OR14A2: variants seen among roughly 807,000 people sequenced by gnomAD.
The protein encoded by OR14A2 is olfactory receptor 14A2.
For synonymous variants in OR14A2, 114 were observed against 58.6 expected (o/e 1.95, Z -4.32); for missense variants, 237 against 152.9 (o/e 1.55, Z -2.90).
At chr1:247,736,534 A>G in the OR14A2 span, among the ~76,000 whole-genome samples, 1 of 152,214 alleles carries the variant, frequency 6.6e-6, no homozygotes, top group Admixed American at 6.5e-5. Context: ...CACTCATTTC[A>G]TATGTAAGCA....
the OR14A2 span, chr1:247,739,080 T>C: frequency 3.8e-6 from 3 of 780,712 alleles, no homozygotes; most frequent in Admixed American, 1.7e-5. Context: ...CTTGGGACTC[T>C]TGTACACAGC....
chr1:247,747,423 G>A, the OR14A2 span, among the ~76,000 whole-genome samples: 2 of 149,932 alleles, frequency 1.3e-5, no homozygotes, highest in Non-Finnish European at 3.0e-5. Context: ...GTGCAATGGC[G>A]TGACCTCAGC....
the OR14A2 span, chr1:247,738,728 G>T: frequency 1.3e-5 from 10 of 780,676 alleles, no homozygotes; most frequent in Non-Finnish European, 2.4e-5. Flanking sequence ...CGGCTGTGCT[G>T]ATGAATTTAG....
the OR14A2 span, among the ~76,000 whole-genome samples, chr1:247,745,367 TA>T: frequency 6.2e-3 from 915 of 146,960 alleles, 2 homozygotes; most frequent in Non-Finnish European, 0.011. Context: ...GTGAAGGGGT[TA>T]AAAAAAAAGA....
At chr1:247,743,615 A>C in the OR14A2 span, among the ~76,000 whole-genome samples, 2 of 152,138 alleles carry the variant, frequency 1.3e-5, no homozygotes, top group Admixed American at 6.6e-5. Context: ...ATGATTTTGA[A>C]CACATTTTCA....
chr1:247,736,926 A>G, the OR14A2 span, among the ~76,000 whole-genome samples: 1 of 152,148 alleles, frequency 6.6e-6, no homozygotes, highest in East Asian at 1.9e-4. Context: ...AGAAATTTCC[A>G]TTTGCTCATG....
chr1:247,734,524 TAAC>T, the OR14A2 span, among the ~76,000 whole-genome samples: 3 of 152,286 alleles, frequency 2.0e-5, no homozygotes, highest in African/African-American at 4.8e-5. Context: ...TGTACTGAAA[TAAC>T]AAAATGTTTC....
the OR14A2 span, among the ~76,000 whole-genome samples, chr1:247,747,515 C>A: frequency 6.6e-6 from 1 of 152,016 alleles, no homozygotes; most frequent in East Asian, 1.9e-4. Flanking sequence ...GCGCTCGCCA[C>A]CACGCCCGGC....
the OR14A2 span, among the ~76,000 whole-genome samples, chr1:247,747,228 A>C: frequency 2.0e-5 from 3 of 152,160 alleles, no homozygotes; most frequent in Non-Finnish European, 4.4e-5. Flanking sequence ...GACAAATACC[A>C]CTTCCACTCC....
chr1:247,740,362 T>A, the OR14A2 span, among the ~76,000 whole-genome samples: 2 of 152,248 alleles, frequency 1.3e-5, no homozygotes, highest in Admixed American at 6.5e-5. Flanking sequence ...TTCAACTTAC[T>A]TTTACAGTTT....
exon 1 of OR14A2, chr1:247,723,125 A>G: frequency 4.2e-6 from 3 of 716,866 alleles, no homozygotes; most frequent in Non-Finnish European, 7.8e-6. Context: ...TCCTGACCAT[A>G]TGTTTTCTGC....
At chr1:247,726,373 G>A (rs1345684204), upstream of OR14A2, among the ~76,000 whole-genome samples, 3 of 140,138 alleles carry the variant, frequency 2.1e-5, no homozygotes, top group Non-Finnish European at 4.5e-5. Context: ...ACTTTTTGAT[G>A]GGGTTGTTTG....
the OR14A2 span, among the ~76,000 whole-genome samples, chr1:247,747,385 G>A: frequency 8.2e-5 from 12 of 145,684 alleles, no homozygotes; most frequent in South Asian, 2.6e-3. Context: ...TTTCTGAGAC[G>A]GAGTCTCGCT....
At chr1:247,727,369 T>C (rs541087303), upstream of OR14A2, among the ~76,000 whole-genome samples, 5 of 151,098 alleles carry the variant, frequency 3.3e-5, no homozygotes, top group East Asian at 9.6e-4. Flanking sequence ...CTTGTGACTT[T>C]TGTACATTGA....
chr1:247,744,007 C>T, the OR14A2 span, among the ~76,000 whole-genome samples: 2 of 152,162 alleles, frequency 1.3e-5, no homozygotes, highest in Non-Finnish European at 2.9e-5. This position sits in a 1 kb window ranked among gnomAD's most constrained non-coding sequence, Gnocchi z 4.3. Context: ...AAGTAGGCAT[C>T]AAATTTTATT....
At chr1:247,725,615 T>C (rs963701934), upstream of OR14A2, among the ~76,000 whole-genome samples, 3 of 147,028 alleles carry the variant, frequency 2.0e-5, no homozygotes, top group Admixed American at 1.4e-4. Flanking sequence ...TGTGCCATGC[T>C]GGTGCGCTGC....
the OR14A2 span, among the ~76,000 whole-genome samples, chr1:247,744,144 C>T: frequency 2.0e-5 from 3 of 152,188 alleles, no homozygotes; most frequent in African/African-American, 7.2e-5. The surrounding 1 kb of genome is among the most constrained non-coding windows in gnomAD (Gnocchi z 4.3). Context: ...GAACAAATAC[C>T]GTAGTGTTCT....
At chr1:247,734,384 C>T in the OR14A2 span, among the ~76,000 whole-genome samples, 6 of 152,272 alleles carry the variant, frequency 3.9e-5, no homozygotes, top group Non-Finnish European at 2.9e-5. Context: ...TCACAGACGA[C>T]GTGTTTAAGC....
chr1:247,724,653 TC>T (rs1660289762), upstream of OR14A2, among the ~76,000 whole-genome samples: 1 of 152,140 alleles, frequency 6.6e-6, no homozygotes, highest in South Asian at 2.1e-4. Context: ...GTCATGCAAT[TC>T]TAACATAATG....
Sources: gnomAD v4.1 joint callset for allele counts (sites outside exome capture counted in the v4.1 genomes callset) on GRCh38, gnomAD v4.1.1 for gene constraint, Gnocchi (gnomAD v3.1) non-coding constraint, MANE v1.5 for transcripts, NCBI Gene and HGNC (gene_info 2026-07-23, HGNC 2026-07-21) for gene names.